The following AAMDC variants were observed in gnomAD, a reference collection of about 807,000 sequenced individuals.
The protein encoded by AAMDC is adipogenesis associated Mth938 domain containing, also known as mth938 domain-containing protein.
In AAMDC, 16 loss-of-function variants were observed where a neutral mutation model predicts 15.5. The observed-to-expected ratio is 1.03, with a 90% CI of 0.70 to 1.57. The LOEUF is 1.57. Among genes scored for constraint, AAMDC ranks in the 40% most tolerant of loss-of-function variants. The pLI is 0.00. For missense variants in AAMDC, 141 were observed against 144.9 expected (o/e 0.97, Z 0.14); for synonymous variants, 51 against 51.6 (o/e 0.99, Z 0.05).
intron 2 of AAMDC, among the ~76,000 whole-genome samples, chr11:77,858,705 G>A (rs1323199187): frequency 6.6e-5 from 10 of 152,096 alleles, no homozygotes; most frequent in African/African-American, 1.7e-4. Context: ...GCTGAATTGG[G>A]GCATAGTAGG....
intron 5 of AAMDC, among the ~76,000 whole-genome samples, chr11:77,890,783 A>G (rs1399646734): frequency 2.0e-5 from 3 of 152,258 alleles, no homozygotes; most frequent in Non-Finnish European, 4.4e-5. Flanking sequence ...TGAATGAAGT[A>G]GTAGTACTCT....
chr11:77,903,087 A>G (rs1337120014), downstream of AAMDC, among the ~76,000 whole-genome samples: 5 of 152,204 alleles, frequency 3.3e-5, no homozygotes, highest in East Asian at 9.6e-4. Flanking sequence ...CACATTTTAT[A>G]GAAGAGAAAA....
intron 1 of AAMDC, among the ~76,000 whole-genome samples, chr11:77,822,982 G>A (rs907184704): frequency 6.6e-6 from 1 of 152,226 alleles, no homozygotes; most frequent in African/African-American, 2.4e-5. Context: ...TTGGGAGGTC[G>A]AGACGGGCGG....
chr11:77,887,204 C>T (rs955580039), intron 5 of AAMDC, among the ~76,000 whole-genome samples: 3 of 152,200 alleles, frequency 2.0e-5, no homozygotes, highest in African/African-American at 7.2e-5. Context: ...TCCAGCAGCA[C>T]ATCAGAAAGC....
intron 2 of AAMDC, among the ~76,000 whole-genome samples, chr11:77,860,974 A>G (rs1364667996): frequency 1.3e-5 from 2 of 152,054 alleles, no homozygotes; most frequent in Non-Finnish European, 2.9e-5. Context: ...GCATGGTTTT[A>G]CTAGGCCGTG....
downstream of AAMDC, among the ~76,000 whole-genome samples, chr11:77,904,046 C>T (rs1343094055): frequency 6.6e-6 from 1 of 152,190 alleles, no homozygotes; most frequent in Non-Finnish European, 1.5e-5. Flanking sequence ...TTGTAAGCCC[C>T]AACCACTTTA....
intron 2 of AAMDC, among the ~76,000 whole-genome samples, chr11:77,854,403 G>GT (rs1950527647): frequency 6.6e-6 from 1 of 152,192 alleles, no homozygotes. Context: ...ATCAAAAACA[G>GT]TTAGTTACTT....
chr11:77,860,365 G>C (rs1950824143), intron 2 of AAMDC, among the ~76,000 whole-genome samples: 1 of 152,184 alleles, frequency 6.6e-6, no homozygotes, highest in African/African-American at 2.4e-5. Flanking sequence ...GTTGCTTTAG[G>C]GTTTGGGATG....
At chr11:77,883,840 G>A (rs1467082718) in intron 5 of AAMDC, 14 of 1,612,854 alleles carry the variant, frequency 8.7e-6, no homozygotes, top group Non-Finnish European at 1.2e-5. Context: ...ACCTGTCCAA[G>A]CGGTGTGGGA....
chr11:77,870,027 A>G (rs755834608), intron 3 of AAMDC: 3 of 383,732 alleles, frequency 7.8e-6, no homozygotes, highest in African/African-American at 2.1e-5. Context: ...CATTTCAACT[A>G]TTTCTCAGAA....
At chr11:77,879,160 T>C in intron 5 of AAMDC, 1 of 1,608,614 alleles carries the variant, frequency 6.2e-7, no homozygotes, top group Non-Finnish European at 8.5e-7. Context: ...CCTCTATAAC[T>C]AGGCAACTGC....
At chr11:77,874,716 G>T (rs918124235), downstream of AAMDC, among the ~76,000 whole-genome samples, 4 of 152,116 alleles carry the variant, frequency 2.6e-5, no homozygotes, top group African/African-American at 7.2e-5. Flanking sequence ...GCTGCCCACA[G>T]GTCATTTCTT....
At chr11:77,884,358 C>A (rs931944990) in intron 5 of AAMDC, among the ~76,000 whole-genome samples, 6 of 152,210 alleles carry the variant, frequency 3.9e-5, no homozygotes, top group Admixed American at 3.3e-4. Flanking sequence ...ATTCTTTCCA[C>A]TACATTGCAA....
Position 77,842,527 on chromosome 11 carries a change from T to TG in AAMDC, c.36dup (p.Gln13AlafsTer8). On this transcript the variant is annotated frameshift_variant, in exon 2 of 4. Coordinates refer to ENST00000393427, the MANE Select transcript of AAMDC (RefSeq NM_024684.4). LOFTEE classifies it high-confidence loss of function. ...TTCCCCTGAAATTGCTTCCTTATCA[T>TG]GGGGGCAAATGAAAGTAAAAGGCTC... The TG allele has an allele frequency of 6.2e-7, 1 of 1,613,960 alleles. No homozygotes were observed. Among genetic ancestry groups the TG allele is most frequent in the Non-Finnish European group, 8.5e-7 (1 of 1,179,988 alleles).
At chr11:77,842,841 A>T (rs1483550790) in intron 2 of AAMDC, among the ~76,000 whole-genome samples, 4 of 152,172 alleles carry the variant, frequency 2.6e-5, no homozygotes, top group Non-Finnish European at 4.4e-5. Context: ...TACATTCATA[A>T]ACTTGTACAA....
At chr11:77,876,946 C>G (rs932019907), downstream of AAMDC, 1 of 703,050 alleles carries the variant, frequency 1.4e-6, no homozygotes, top group East Asian at 2.7e-5. Flanking sequence ...ATGTTTTTGT[C>G]TAGGCTCCAA....
intron 1 of AAMDC, among the ~76,000 whole-genome samples, chr11:77,822,942 G>T (rs1948985724): frequency 6.6e-6 from 1 of 152,150 alleles, no homozygotes. Flanking sequence ...TCCGCCGGGC[G>T]CTGTGGCTCA....
In AAMDC at chr11:77,898,442, G is replaced by C. The variant is rs562760841; in HGVS notation, c.329-2129G>C. Among the ~76,000 whole-genome samples, 512 of 152,266 alleles carry C rather than the reference G, an allele frequency of 3.4e-3. 5 individuals are homozygous for C. The highest frequency in any genetic ancestry group is 6.8e-3 in the Middle Eastern group (2 of 294). On this transcript the variant is annotated intron_variant, in intron 5 of 5. Coordinates refer to the AAMDC transcript ENST00000304716. ...CTCCCAAAGTGATGGGATTACAGGC[G>C]TGAGCCACTGCGCCCGGCCAACTGG...
At chr11:77,894,310 C>G in intron 5 of AAMDC, 1 of 1,558,276 alleles carries the variant, frequency 6.4e-7, no homozygotes, top group Non-Finnish European at 8.8e-7. Flanking sequence ...AGTCTACTTC[C>G]TGTAAAAATT....
Sources: gnomAD v4.1 joint callset for allele counts (sites outside exome capture counted in the v4.1 genomes callset) on GRCh38, gnomAD v4.1.1 for gene constraint, MANE v1.5 for transcripts, NCBI Gene and HGNC (gene_info 2026-07-23, HGNC 2026-07-21) for gene names.